Variants in CTNNA1 observed in about 807,000 individuals in gnomAD.
The protein encoded by CTNNA1 is catenin alpha-1.
CTNNA1 carries 37 observed loss-of-function variants against 98.4 expected under a neutral mutation model. The ratio of observed to expected loss-of-function variants is 0.38; its 90% CI spans 0.29 to 0.49. The LOEUF (loss-of-function observed/expected upper bound fraction) is 0.49, where lower values mean the gene tolerates loss of function less well. Among genes scored for constraint, CTNNA1 ranks in the 20% least tolerant of loss-of-function variants. CTNNA1 has a pLI of 0.95. For synonymous variants in CTNNA1, 404 were observed against 413.2 expected (o/e 0.98, Z 0.27); for missense variants, 761 against 1,147.2 (o/e 0.66, Z 4.86).
At chr5:138,923,205 T>C (rs1271401411) in intron 11 of CTNNA1, among the ~76,000 whole-genome samples, 6 of 152,190 alleles carry the variant, frequency 3.9e-5, no homozygotes, top group Non-Finnish European at 7.3e-5. Context: ...ACCCAAGACC[T>C]CGTATGGTAG....
At chr5:138,845,811 T>C (rs1408745603) in intron 7 of CTNNA1, among the ~76,000 whole-genome samples, 3 of 152,020 alleles carry the variant, frequency 2.0e-5, no homozygotes, top group Non-Finnish European at 4.4e-5. Flanking sequence ...ATGATTGCCA[T>C]GTCCTGGGTA....
Position 138,877,736 on chromosome 5 carries a change from C to T in CTNNA1, c.1063-8476C>T, listed in dbSNP as rs534665346. On this transcript the variant is annotated intron_variant, in intron 7 of 17. Transcript: ENST00000302763. ...TGCTGGGATTACAGGCGTGAGCCAC[C>T]GCGCCCGGCCAAATTTCTTAAATGA... Among the ~76,000 whole-genome samples, 27 of 152,236 alleles carry T rather than the reference C, an allele frequency of 1.8e-4. 1 individual carries two copies. The highest frequency in any genetic ancestry group is 6.5e-4 in the Admixed American group (10 of 15,304).
At chr5:138,781,077 C>CT (rs1374078190) in intron 1 of CTNNA1, among the ~76,000 whole-genome samples, 1 of 152,126 alleles carries the variant, frequency 6.6e-6, no homozygotes, top group African/African-American at 2.4e-5. Context: ...GTGATAATAG[C>CT]TGTGGGTGCA....
intron 7 of CTNNA1, among the ~76,000 whole-genome samples, chr5:138,848,602 CTG>C (rs1454425646): frequency 1.3e-5 from 2 of 152,214 alleles, no homozygotes; most frequent in Non-Finnish European, 2.9e-5. Context: ...TCCCTGTTGA[CTG>C]TGCTGCATAG....
At chr5:138,903,572 T>A (rs749851167) in intron 9 of CTNNA1, among the ~76,000 whole-genome samples, 4 of 152,180 alleles carry the variant, frequency 2.6e-5, no homozygotes, top group Non-Finnish European at 4.4e-5. Flanking sequence ...TTCCAGAGCT[T>A]CAGCAAAGGA....
chr5:138,908,117 A>G (rs1162051318), intron 10 of CTNNA1, among the ~76,000 whole-genome samples: 1 of 152,116 alleles, frequency 6.6e-6, no homozygotes, highest in East Asian at 1.9e-4. Flanking sequence ...AGCCAGGACT[A>G]CAGGTGCCTG....
chr5:138,834,866 A>G (rs1473359194), intron 7 of CTNNA1, among the ~76,000 whole-genome samples: 1 of 152,180 alleles, frequency 6.6e-6, no homozygotes, highest in Non-Finnish European at 1.5e-5. Context: ...GGGCGGGCTG[A>G]GTCCAAAAAG....
chr5:138,901,453 C>G (rs1168567386), intron 9 of CTNNA1, among the ~76,000 whole-genome samples: 3 of 152,230 alleles, frequency 2.0e-5, no homozygotes, highest in Non-Finnish European at 2.9e-5. Context: ...AGCCACCACA[C>G]CCAGCCTCTT....
intron 3 of CTNNA1, among the ~76,000 whole-genome samples, chr5:138,787,197 C>G (rs563884214): frequency 6.6e-6 from 1 of 152,270 alleles, no homozygotes; most frequent in South Asian, 2.1e-4. Flanking sequence ...TTGGGAGGCC[C>G]AGTTGGGCGG....
At chr5:138,794,408 A>G (rs995332950) in intron 3 of CTNNA1, among the ~76,000 whole-genome samples, 3 of 152,158 alleles carry the variant, frequency 2.0e-5, no homozygotes, top group African/African-American at 7.2e-5. Context: ...GGCATCTGTC[A>G]GGGATTCTTT....
chr5:138,805,863 G>T (rs28745575), intron 3 of CTNNA1, among the ~76,000 whole-genome samples: 5,485 of 148,666 alleles, frequency 0.037, 264 homozygotes, highest in African/African-American at 0.12. Context: ...TTTCTTGGTA[G>T]TGTTCTTTGA....
At chr5:138,833,966 T>C (rs1761534588) in intron 7 of CTNNA1, among the ~76,000 whole-genome samples, 1 of 152,350 alleles carries the variant, frequency 6.6e-6, no homozygotes, top group South Asian at 2.1e-4. Flanking sequence ...AATATGACTA[T>C]GTTAATACAT....
At position 138,810,271 on chromosome 5, in the gene CTNNA1, T is replaced by G. The variant is rs928701143; in HGVS notation, c.468+67T>G. ...GAAGATTGCTACTGGCCTTCCTTAG[T>G]TCAGTATTCCTTAGGATTTAGTTTG... is the stretch of plus-strand genomic sequence containing the variant. On this transcript the variant is annotated intron_variant, in intron 4 of 17. Transcript: ENST00000302763. 1.8e-5 allele frequency: 27 copies of G among 1,530,044 alleles called. No homozygotes were observed. In the Admixed American group the frequency reaches 4.5e-4, roughly 25 times the overall value. The allele number at this position is 1,530,044 out of a possible 1,614,324, so 94.8% of individuals were successfully genotyped here.
rs1758515080 is a variant in CTNNA1, at chr5:138,810,055, G to A, written c.319G>A (p.Ala107Thr). 6.2e-7 allele frequency: 1 copy of A among 1,607,522 alleles called. No homozygotes were observed. ...VRKQGDLMKA[A>T]AGEFADDPCS... Reference sequence around the variant, plus strand: ...TAAAACAGGTGATTTGATGAAGGCTGCTGCAGGAGAGTTCGCAGATGATCC... The same window carrying A: ...TAAAACAGGTGATTTGATGAAGGCTACTGCAGGAGAGTTCGCAGATGATCC... Residue 107 changes from alanine (A) to threonine (T), a missense_variant, in exon 4 of 18, where the codon GCT becomes ACT. Transcript: ENST00000302763.
chr5:138,906,432 T>C (rs545013517), intron 10 of CTNNA1, among the ~76,000 whole-genome samples: 19 of 152,364 alleles, frequency 1.2e-4, no homozygotes, highest in South Asian at 8.3e-4. Context: ...TCTTTGGTTT[T>C]CCATTTGGTC....
intron 7 of CTNNA1, chr5:138,875,149 A>G (rs564727908): frequency 1.8e-5 from 8 of 446,746 alleles, no homozygotes; most frequent in Non-Finnish European, 3.9e-6. Context: ...TTTGAATATA[A>G]GTTATTAAAT....
intron 7 of CTNNA1, among the ~76,000 whole-genome samples, chr5:138,854,460 A>G (rs1763541358): frequency 6.6e-6 from 1 of 152,236 alleles, no homozygotes; most frequent in African/African-American, 2.4e-5. Context: ...GTGTCTGTAC[A>G]CACACTCTCT....
intron 1 of CTNNA1, among the ~76,000 whole-genome samples, chr5:138,761,603 T>TAA (rs5871677): frequency 2.6e-5 from 4 of 151,852 alleles, no homozygotes; most frequent in Non-Finnish European, 2.9e-5. Context: ...AATGAACAGG[T>TAA]AAAAAAATTT....
rs1758526073 is a variant in CTNNA1, at chr5:138,810,143, C to A, written c.407C>A (p.Thr136Asn). The A allele has an allele frequency of 1.9e-6, 3 of 1,614,000 alleles. No individual in the cohort carries two copies. Among genetic ancestry groups the A allele is most frequent in the African/African-American group, 2.7e-5 (2 of 74,920 alleles). ...RAARALLSAV[T>N]RLLILADMAD... ...GCTCGAGCTTTGCTCTCTGCTGTTA[C>A]CCGGTTGCTGATTTTGGCTGACATG... is the stretch of plus-strand genomic sequence containing the variant. The change falls in exon 4 of 18, where the codon ACC becomes AAC. Residue 136 changes from threonine (T) to asparagine (N), a missense_variant. Physicochemically the swap from Thr to Asn is moderately conservative, Grantham distance 65. Around this residue, in one of 6 missense-constraint regions of CTNNA1, gnomAD observed 328 missense variants for 354.3 expected, o/e 0.93. Transcript: ENST00000302763.
Sources: gnomAD v4.1 joint callset for allele counts (sites outside exome capture counted in the v4.1 genomes callset) on GRCh38, gnomAD v4.1.1 for gene constraint, gnomAD v4.1.1 regional missense constraint, MANE v1.5 for transcripts, NCBI Gene and HGNC (gene_info 2026-07-23, HGNC 2026-07-21) for gene names.